The following GLMN variants were observed in gnomAD, a reference collection of about 807,000 sequenced individuals.
GLMN encodes the protein glomulin, FKBP associated protein.
GLMN carries 75 observed loss-of-function variants against 87.8 expected under a neutral mutation model. That is an observed-to-expected ratio of 0.85 (90% CI 0.71 to 1.04). GLMN has a LOEUF of 1.04. GLMN is among the 50% of genes least tolerant of loss of function. The pLI, the probability that GLMN is intolerant of heterozygous loss-of-function variation, is 0.00. For synonymous variants in GLMN, 206 were observed against 221.6 expected (o/e 0.93, Z 0.63); for missense variants, 588 against 658.8 (o/e 0.89, Z 1.18).
In GLMN at chr1:92,297,966, T is replaced by G. The variant is rs1398715188; in HGVS notation, c.34A>C (p.Arg12=). The G allele has an allele frequency of 9.1e-6, 13 of 1,423,078 alleles. No homozygotes were observed. Among genetic ancestry groups the G allele is most frequent in the Non-Finnish European group, 1.3e-5 (13 of 1,006,512 alleles). 88.2% of individuals were successfully genotyped at this position (1,423,078 alleles called of 1,614,324 possible). A position where few individuals can be genotyped will look rare whatever the true frequency, so the allele number is the denominator to read the frequency against. ...TTACAAAAATTAATACTTACACATC[T>G]CTTTATTATAGACTGAAGTTCCTCT... is the stretch of plus-strand genomic sequence containing the variant. The part of the protein sequence containing the change: ...AVEELQSIIK[R]CQILEEQDFK... The change falls in exon 2 of 19, where the codon AGA becomes CGA. Residue 12 remains arginine (R), a synonymous_variant. Coordinates refer to ENST00000370360, the MANE Select transcript of GLMN (RefSeq NM_053274.3).
At chr1:92,339,320 G>A in the GLMN span, among the ~76,000 whole-genome samples, 295 of 71,240 alleles carry the variant, frequency 4.1e-3, no homozygotes, top group African/African-American at 0.014. Context: ...CCCCACCCCC[G>A]CCCCCACAAC....
intron 1 of GLMN, among the ~76,000 whole-genome samples, chr1:92,298,714 G>C (rs568768770): frequency 5.3e-5 from 8 of 152,284 alleles, no homozygotes; most frequent in Non-Finnish European, 1.0e-4. Context: ...AGTCAGCCCG[G>C]TCCTCAGGGC....
intron 13 of GLMN, 119 bp from the exon 14 acceptor site, chr1:92,264,757 C>A: frequency 1.4e-6 from 1 of 697,106 alleles, no homozygotes; most frequent in Non-Finnish European, 2.6e-6. Flanking sequence ...AAAAACCCCA[C>A]AGTAATGGTA....
At chr1:92,251,788 C>A (rs574977339) in intron 16 of GLMN, among the ~76,000 whole-genome samples, 2 of 131,708 alleles carry the variant, frequency 1.5e-5, no homozygotes, top group Non-Finnish European at 3.1e-5. Flanking sequence ...AATCTGATTC[C>A]CAAAACTTTT....
chr1:92,277,760 C>T (rs1456394478), intron 7 of GLMN, among the ~76,000 whole-genome samples: 8 of 152,122 alleles, frequency 5.3e-5, no homozygotes, highest in Non-Finnish European at 1.5e-5. Flanking sequence ...TGCCCCCTCC[C>T]CTATACCTAG....
chr1:92,321,490 A>C, the GLMN span, among the ~76,000 whole-genome samples: 1 of 151,188 alleles, frequency 6.6e-6, no homozygotes, highest in African/African-American at 2.4e-5. Context: ...TTTTCTTTAC[A>C]TTTCCCCACA....
chr1:92,324,433 A>G, the GLMN span: 12 of 1,274,796 alleles, frequency 9.4e-6, no homozygotes, highest in South Asian at 5.5e-5. Context: ...AACTCACCAC[A>G]GCAAATCTTG....
the GLMN span, chr1:92,346,054 T>C: frequency 1.9e-6 from 1 of 538,206 alleles, no homozygotes; most frequent in Non-Finnish European, 3.3e-6. Flanking sequence ...TCCTTTCCTA[T>C]GTAAGAAAAC....
chr1:92,286,560 G>C lies in GLMN; in HGVS notation c.665C>G (p.Thr222Arg). The C allele has an allele frequency of 6.2e-7, 1 of 1,603,202 alleles. No homozygotes were observed. The highest frequency in any genetic ancestry group is 8.5e-7 in the Non-Finnish European group (1 of 1,170,438). ...TTCAGACTGTTCAAAGAATTGTGCT[G>C]TCAGCAAAGGGCATTTCAAGCTTTT... ...CFKSLKCPLL[T>R]AQFFEQSEEG... Residue 222 changes from threonine (T) to arginine (R), a missense_variant, in exon 7 of 19, where the codon ACA becomes AGA. Thr to Arg is a moderately conservative substitution (Grantham distance 71, BLOSUM62 -1). Transcript: ENST00000370360.
intron 1 of GLMN, among the ~76,000 whole-genome samples, 184 bp downstream of exon 1, chr1:92,298,741 A>C (rs1443848460): frequency 1.3e-5 from 2 of 152,096 alleles, no homozygotes; most frequent in African/African-American, 2.4e-5. Flanking sequence ...CTGGAAGGCG[A>C]GTGAACACCC....
intron 7 of GLMN, among the ~76,000 whole-genome samples, chr1:92,281,024 AC>A (rs1359369925): frequency 1.3e-5 from 2 of 152,362 alleles, no homozygotes; most frequent in East Asian, 3.9e-4. Context: ...GGAGAATGGA[AC>A]AAAGTTAGAA....
the GLMN span, among the ~76,000 whole-genome samples, chr1:92,332,656 A>G: frequency 6.6e-6 from 1 of 152,262 alleles, no homozygotes; most frequent in South Asian, 2.1e-4. Flanking sequence ...ACTCCCTGAA[A>G]GAACTAGTCT....
At chr1:92,312,239 T>A in the GLMN span, among the ~76,000 whole-genome samples, 1 of 152,190 alleles carries the variant, frequency 6.6e-6, no homozygotes, top group South Asian at 2.1e-4. Context: ...GAGGGACCCA[T>A]CTCTACAAAG....
the GLMN span, among the ~76,000 whole-genome samples, chr1:92,342,093 C>T: frequency 6.6e-6 from 1 of 152,210 alleles, no homozygotes; most frequent in South Asian, 2.1e-4. Context: ...ATGGAACTTA[C>T]ATTCTAATAG....
At chr1:92,271,986 C>G (rs1195334353) in intron 7 of GLMN, among the ~76,000 whole-genome samples, 3 of 152,170 alleles carry the variant, frequency 2.0e-5, no homozygotes, top group Non-Finnish European at 1.5e-5. Context: ...CTGACTCTCT[C>G]CCTTGCTGGC....
chr1:92,315,615 T>G, the GLMN span, among the ~76,000 whole-genome samples: 1 of 152,218 alleles, frequency 6.6e-6, no homozygotes, highest in African/African-American at 2.4e-5. Flanking sequence ...TCCCTTAGAA[T>G]TTATAAGAGT....
At chr1:92,366,234 T>C in the GLMN span, among the ~76,000 whole-genome samples, 4 of 152,132 alleles carry the variant, frequency 2.6e-5, no homozygotes, top group African/African-American at 9.7e-5. Flanking sequence ...GCCCAGGAGT[T>C]TGAGGCTGCA....
At chr1:92,307,324 TTTG>T in the GLMN span, 6 of 1,309,710 alleles carry the variant, frequency 4.6e-6, no homozygotes, top group Non-Finnish European at 6.4e-6. Context: ...ATTCTAATAA[TTTG>T]TTTCTGCTTT....
the GLMN span, among the ~76,000 whole-genome samples, chr1:92,320,976 A>G: frequency 2.6e-5 from 4 of 152,234 alleles, no homozygotes; most frequent in Non-Finnish European, 4.4e-5. Context: ...TTACAGTCCT[A>G]TAGGATTTCA....
Sources: gnomAD v4.1 joint callset for allele counts (sites outside exome capture counted in the v4.1 genomes callset) on GRCh38, gnomAD v4.1.1 for gene constraint, MANE v1.5 for transcripts, NCBI Gene and HGNC (gene_info 2026-07-23, HGNC 2026-07-21) for gene names.